The following MPHOSPH9 variants were observed in gnomAD, a reference collection of about 807,000 sequenced individuals.
MPHOSPH9 encodes the protein M-phase phosphoprotein 9.
Under a neutral mutation model 145.5 loss-of-function variants are expected in MPHOSPH9, and 88 were observed. That is an observed-to-expected ratio of 0.60 (90% CI 0.51 to 0.72). The LOEUF is 0.72. MPHOSPH9 is among the 30% of genes least tolerant of loss of function. The pLI is 0.00. For missense variants in MPHOSPH9, 1,238 were observed against 1,386.6 expected, an observed-to-expected ratio of 0.89 and a Z score of 1.70; for synonymous variants, 435 against 486.2, an observed-to-expected ratio of 0.89 and a Z score of 1.39.
At chr12:123,209,092 C>T (rs1250000163) in intron 8 of MPHOSPH9, among the ~76,000 whole-genome samples, 2 of 151,962 alleles carry the variant, frequency 1.3e-5, no homozygotes, top group Non-Finnish European at 2.9e-5. Context: ...GCCACCACGC[C>T]CAGCTAATTT....
chr12:123,200,105 G>A lies in MPHOSPH9; in HGVS notation c.1938-1771C>T, dbSNP rs1336064664. Among the ~76,000 whole-genome samples, 5 of 152,176 alleles carry A rather than the reference G, an allele frequency of 3.3e-5. No individual in the cohort carries two copies. The East Asian group carries it at 9.6e-4, about 29-fold the overall frequency. ...TCACTGTCCCAAGTTCTAAATCCGT[G>A]ACATAGTAATCTGATATCACAGCTG... On this transcript the variant is annotated intron_variant, in intron 11 of 23. Transcript: ENST00000606320.
intron 7 of MPHOSPH9, among the ~76,000 whole-genome samples, chr12:123,214,367 T>C (rs1032775238): frequency 6.6e-6 from 1 of 152,064 alleles, no homozygotes; most frequent in Non-Finnish European, 1.5e-5. Flanking sequence ...GGCGAAACCC[T>C]GTCTCTACAA....
At chr12:123,185,329 A>G (rs1247006518) in intron 13 of MPHOSPH9, among the ~76,000 whole-genome samples, 1 of 144,798 alleles carries the variant, frequency 6.9e-6, no homozygotes, top group Non-Finnish European at 1.5e-5. Flanking sequence ...GTTAGAAACT[A>G]AAAAAAAAAA....
chr12:123,222,849 T>C (rs1376076806), intron 4 of MPHOSPH9, among the ~76,000 whole-genome samples, 189 bp downstream of exon 4: 2 of 151,960 alleles, frequency 1.3e-5, no homozygotes, highest in Non-Finnish European at 2.9e-5. Context: ...GGTAGAAGAA[T>C]GGCTTGAACC....
intron 1 of MPHOSPH9, among the ~76,000 whole-genome samples, chr12:123,239,125 C>T (rs949799213): frequency 6.6e-6 from 1 of 152,028 alleles, no homozygotes; most frequent in African/African-American, 2.4e-5. Flanking sequence ...AAAAATTAGC[C>T]AGGCATGCTG....
At chr12:123,216,604 A>C (rs2046971407) in intron 6 of MPHOSPH9, among the ~76,000 whole-genome samples, 1 of 152,178 alleles carries the variant, frequency 6.6e-6, no homozygotes, top group South Asian at 2.1e-4. Flanking sequence ...TAATCTCAGC[A>C]TTTGGGGAGG....
chr12:123,218,588 C>T, intron 5 of MPHOSPH9, 89 bp from the exon 6 acceptor site: 2 of 1,288,228 alleles, frequency 1.6e-6, no homozygotes, highest in African/African-American at 1.5e-5. Flanking sequence ...TACGGTGGCG[C>T]AATCTCAGTT....
intron 6 of MPHOSPH9, among the ~76,000 whole-genome samples, chr12:123,216,055 G>C (rs2046945285): frequency 6.6e-6 from 1 of 152,170 alleles, no homozygotes; most frequent in African/African-American, 2.4e-5. Flanking sequence ...GGCTAACACG[G>C]TGAAACCCCG....
intron 8 of MPHOSPH9, among the ~76,000 whole-genome samples, chr12:123,206,757 C>CA (rs2046454864): frequency 6.6e-6 from 1 of 150,636 alleles, no homozygotes; most frequent in African/African-American, 2.4e-5. Flanking sequence ...ACTAAAAACA[C>CA]AAAAAAATTA....
chr12:123,166,845 C>T, intron 16 of MPHOSPH9, 56 bp from the exon 17 acceptor site: 2 of 1,552,358 alleles, frequency 1.3e-6, no homozygotes, highest in Non-Finnish European at 1.7e-6. Context: ...TTTCAGACTG[C>T]ATGTGCATAT....
chr12:123,174,696 C>G (rs187794158), intron 16 of MPHOSPH9, among the ~76,000 whole-genome samples: 1 of 152,002 alleles, frequency 6.6e-6, no homozygotes, highest in Non-Finnish European at 1.5e-5. Context: ...ATCATACCAT[C>G]CTAAAACCTT....
chr12:123,205,611 C>G (rs1177759509), intron 8 of MPHOSPH9, among the ~76,000 whole-genome samples: 1 of 151,784 alleles, frequency 6.6e-6, no homozygotes, highest in Non-Finnish European at 1.5e-5. Flanking sequence ...ATGCCAATAA[C>G]CTAAAGAAGC....
chr12:123,177,358 AC>A (rs1220847415), intron 15 of MPHOSPH9, among the ~76,000 whole-genome samples: 1 of 151,936 alleles, frequency 6.6e-6, no homozygotes, highest in Non-Finnish European at 1.5e-5. Context: ...GCATGGTGAA[AC>A]CCCCATCTCT....
intron 16 of MPHOSPH9, among the ~76,000 whole-genome samples, chr12:123,168,776 C>T (rs1486344376): frequency 6.6e-6 from 1 of 152,126 alleles, no homozygotes; most frequent in Non-Finnish European, 1.5e-5. Context: ...CAAAGAAACA[C>T]CAGAAACCAT....
At position 123,202,761 on chromosome 12, in the gene MPHOSPH9, C is replaced by A. The variant is rs375561998; in HGVS notation, c.1644G>T (p.Ser548=). The A allele has an allele frequency of 6.2e-7, 1 of 1,614,064 alleles. No homozygotes were observed. Among genetic ancestry groups the A allele is most frequent in the Non-Finnish European group, 8.5e-7 (1 of 1,180,002 alleles). The change falls in exon 10 of 24, where the codon TCG becomes TCT. Residue 548 remains serine, a synonymous_variant. Coordinates refer to ENST00000606320, the MANE Select transcript of MPHOSPH9 (RefSeq NM_022782.4). ...SVYTITSNDI[S]VNTVDEENTV... ...TGTTTTCTTCATCTACAGTGTTGAC[C>A]GAGATATCATTACTAGTAATGGTAT...
In MPHOSPH9 at chr12:123,156,306, C is replaced by G. The variant is rs1727313; in HGVS notation, c.*501G>C. On this transcript the variant is annotated 3_prime_UTR_variant, in exon 24 of 24. Coordinates refer to ENST00000606320, the MANE Select transcript of MPHOSPH9 (RefSeq NM_022782.4). ...TTCACTCTAAGACACGTTTCAAATA[C>G]GAATTGCATTATCATTTTTTAAAAA... The G allele has an allele frequency of 0.83, 127,028 of 152,316 alleles. 53,283 individuals carry two copies. Among genetic ancestry groups the G allele is most frequent in the East Asian group, 0.97 (5,045 of 5,188 alleles). 9.4% of individuals were successfully genotyped at this position (152,316 alleles called of 1,614,324 possible).
At chr12:123,233,875 G>A (rs1301966921), upstream of MPHOSPH9, 1 of 152,492 alleles carries the variant, frequency 6.6e-6, no homozygotes. Context: ...GAGCGGAATG[G>A]AGCTGTGAGC....
rs2047211540 is a variant in MPHOSPH9, at chr12:123,221,803, T to C, written c.441A>G (p.Val147=). 1 of 1,614,070 alleles carries C rather than the reference T, an allele frequency of 6.2e-7. No individual in the cohort carries two copies. The highest frequency in any genetic ancestry group is 8.5e-7 in the Non-Finnish European group (1 of 1,180,008). The change falls in exon 5 of 24, where the codon GTA becomes GTG. Residue 147 remains valine, a synonymous_variant. Coordinates refer to ENST00000606320, the MANE Select transcript of MPHOSPH9 (RefSeq NM_022782.4). ...SCEGNSSNKQ[V]SSESQMGFFS... Reference sequence around the variant, plus strand: ...AAAAACCCATTTGACTTTCCGAAGATACTTGTTTGTTTGAAGAATTTCCTT... The same window carrying C: ...AAAAACCCATTTGACTTTCCGAAGACACTTGTTTGTTTGAAGAATTTCCTT...
chr12:123,190,888 T>A (rs1346293626), intron 13 of MPHOSPH9, among the ~76,000 whole-genome samples: 1 of 152,220 alleles, frequency 6.6e-6, no homozygotes, highest in Non-Finnish European at 1.5e-5. Flanking sequence ...GCTTGAAATG[T>A]TGTATATGAT....
Sources: allele counts gnomAD v4.1 joint callset (sites outside exome capture counted in the v4.1 genomes callset), GRCh38; gene constraint gnomAD v4.1.1; transcripts MANE v1.5; gene names NCBI Gene and HGNC (gene_info 2026-07-23, HGNC 2026-07-21).